UBASH3B: variants seen among roughly 807,000 people sequenced by gnomAD.
UBASH3B encodes ubiquitin associated and SH3 domain containing B.
A neutral mutation model predicts 83.4 loss-of-function variants in UBASH3B; 37 were observed. The observed-to-expected ratio is 0.44, with a 90% CI of 0.34 to 0.58. UBASH3B has a LOEUF of 0.58. UBASH3B is among the 20% of genes least tolerant of loss of function. The probability of loss-of-function intolerance (pLI) is 0.01; values close to 1 mark genes in which losing one functional copy is unlikely to be tolerated. For missense variants in UBASH3B, 657 were observed against 827.2 expected, an observed-to-expected ratio of 0.79 and a Z score of 2.52; for synonymous variants, 304 against 318.3, an observed-to-expected ratio of 0.96 and a Z score of 0.48.
At chr11:122,738,887 CAAAAAA>C (rs35957240) in intron 1 of UBASH3B, among the ~76,000 whole-genome samples, 2 of 139,514 alleles carry the variant, frequency 1.4e-5, no homozygotes, top group African/African-American at 5.3e-5. Flanking sequence ...AACTCTGTCT[CAAAAAA>C]AAAAAAAAAA....
At chr11:122,754,865 A>C (rs1321588568) in intron 1 of UBASH3B, among the ~76,000 whole-genome samples, 1 of 152,170 alleles carries the variant, frequency 6.6e-6, no homozygotes, top group African/African-American at 2.4e-5. Flanking sequence ...GGACTTGCCC[A>C]AGGTCATACC....
At position 122,813,287 on chromosome 11, in the gene UBASH3B, A is replaced by G. The variant is rs555179602; in HGVS notation, c.*3401A>G. On this transcript the variant is annotated 3_prime_UTR_variant, in exon 14 of 14. Transcript: ENST00000284273. The stretch of plus-strand genomic sequence containing the variant: ...TATTAAAATGAAGTCTCTTATTTCA[A>G]TTACCTAGTGTTGTTGGGAACTAAT... 2.6e-5 allele frequency: 4 copies of G among 152,296 alleles called. No homozygotes were observed. The highest frequency in any genetic ancestry group is 9.6e-5 in the African/African-American group (4 of 41,562). The allele number at this position is 152,296 out of a possible 1,614,324, so 9.4% of individuals were successfully genotyped here.
At chr11:122,748,170 G>C (rs1175766928) in intron 1 of UBASH3B, among the ~76,000 whole-genome samples, 1 of 152,244 alleles carries the variant, frequency 6.6e-6, no homozygotes, top group Non-Finnish European at 1.5e-5. Flanking sequence ...TCACATAGTG[G>C]TTTAAAACTG....
chr11:122,694,052 C>A (rs1161943349), intron 1 of UBASH3B, among the ~76,000 whole-genome samples: 1 of 152,210 alleles, frequency 6.6e-6, no homozygotes, highest in Admixed American at 6.5e-5. Context: ...TATCAGGTGG[C>A]CCATGCAGCC....
intron 6 of UBASH3B, among the ~76,000 whole-genome samples, chr11:122,793,131 A>G (rs1861089074): frequency 6.6e-6 from 1 of 152,230 alleles, no homozygotes; most frequent in Non-Finnish European, 1.5e-5. Context: ...CTGTAATCCC[A>G]GCATGACTTT....
chr11:122,728,230 GGAATAT>G (rs1860779035), intron 1 of UBASH3B, among the ~76,000 whole-genome samples: 2 of 152,108 alleles, frequency 1.3e-5, no homozygotes, highest in Admixed American at 1.3e-4. Context: ...GTTTACATGG[GGAATAT>G]TTAGCCGTCC....
chr11:122,768,974 G>C (rs1860598622), intron 1 of UBASH3B, among the ~76,000 whole-genome samples: 1 of 152,166 alleles, frequency 6.6e-6, no homozygotes, highest in Non-Finnish European at 1.5e-5. Flanking sequence ...GAGCCACCAG[G>C]TGCATGGAGG....
chr11:122,794,017 C>T (rs531144946), intron 6 of UBASH3B, among the ~76,000 whole-genome samples: 97 of 152,206 alleles, frequency 6.4e-4, no homozygotes, highest in South Asian at 1.2e-3. Context: ...CAACAGGGAT[C>T]GTAGATTTCT....
At position 122,806,318 on chromosome 11, in the gene UBASH3B, A is replaced by G. The variant is rs1393919003; in HGVS notation, c.1596-92A>G. The G allele has an allele frequency of 5.4e-6, 6 of 1,114,532 alleles. No homozygotes were observed. The highest frequency in any genetic ancestry group is 7.8e-6 in the Non-Finnish European group (6 of 767,118). The allele number at this position is 1,114,532 out of a possible 1,614,324, so 69.0% of individuals were successfully genotyped here. On this transcript the variant is annotated intron_variant, in intron 11 of 13. Transcript: ENST00000284273. This position sits in a 1 kb window ranked among gnomAD's most constrained non-coding sequence, Gnocchi z 4.0. ...AAACAAACAGATCTACGGGATCTTT[A>G]GAAATGCCTTGAAATAAAAGTTTAG...
chr11:122,667,605 C>T (rs1051876268), intron 1 of UBASH3B, among the ~76,000 whole-genome samples: 1 of 152,066 alleles, frequency 6.6e-6, no homozygotes, highest in East Asian at 1.9e-4. Context: ...AGGGAGCACA[C>T]GATTACATCT....
chr11:122,792,761 T>C (rs906397807), intron 6 of UBASH3B, among the ~76,000 whole-genome samples: 4 of 152,234 alleles, frequency 2.6e-5, no homozygotes, highest in African/African-American at 9.6e-5. Flanking sequence ...CAGGTTTCAC[T>C]TGGCAACATA....
chr11:122,746,960 G>T lies in UBASH3B; in HGVS notation c.162-29259G>T, dbSNP rs535693533. On this transcript the variant is annotated intron_variant, in intron 1 of 13. Coordinates refer to ENST00000284273, the MANE Select transcript of UBASH3B (RefSeq NM_032873.5). ...TTTAAATTCATTAGGCAGAAAAGGG[G>T]GAATGTGGACAATCCCAGCAGAAAA... Among the ~76,000 whole-genome samples the T allele has an allele frequency of 7.9e-5, 12 of 152,334 alleles. No individual in the cohort carries two copies. The South Asian group carries it at 1.4e-3, about 18-fold the overall frequency.
chr11:122,765,099 C>A (rs1483624214), intron 1 of UBASH3B, among the ~76,000 whole-genome samples: 1 of 140,684 alleles, frequency 7.1e-6, no homozygotes, highest in Non-Finnish European at 1.5e-5. Flanking sequence ...TTTTTTTTTT[C>A]ATGTCTAGAC....
chr11:122,780,229 G>C (rs890195710), intron 4 of UBASH3B, among the ~76,000 whole-genome samples: 2 of 152,120 alleles, frequency 1.3e-5, no homozygotes, highest in African/African-American at 4.8e-5. Context: ...AGGACCCCAA[G>C]CCCCAAGAGT....
Position 122,725,342 on chromosome 11 carries a change from A to AAAAAAAAAAAGAGAG in UBASH3B, c.162-50875_162-50874insAAAAAAAAGAGAGAA, listed in dbSNP as rs71281633. On this transcript the variant is annotated intron_variant, in intron 1 of 13. Transcript: ENST00000284273. ...AGCACCATAAACAAAAAAAAAAAAA[A>AAAAAAAAAAAGAGAG]AAGAAAAGAAAAGAAACAAACTCAA... 2.8e-3 allele frequency among the ~76,000 whole-genome samples: 371 copies of AAAAAAAAAAAGAGAG among 130,752 alleles called. 2 individuals carry two copies. The highest frequency in any genetic ancestry group is 4.7e-3 in the Non-Finnish European group (287 of 61,564). The allele number at this position is 130,752 out of a possible 152,430, so 85.8% of individuals were successfully genotyped here. A position where few individuals can be genotyped will look rare whatever the true frequency, so the allele number is the denominator to read the frequency against.
intron 1 of UBASH3B, among the ~76,000 whole-genome samples, chr11:122,687,469 G>A (rs967727728): frequency 1.3e-5 from 2 of 152,122 alleles, no homozygotes; most frequent in African/African-American, 4.8e-5. Flanking sequence ...ACTCTTCTGC[G>A]AAGGGGAAAA....
chr11:122,745,386 T>C (rs1861102540), intron 1 of UBASH3B, among the ~76,000 whole-genome samples: 3 of 152,204 alleles, frequency 2.0e-5, no homozygotes, highest in Admixed American at 1.3e-4. Flanking sequence ...GCTTACCATG[T>C]GGCAACACAG....
intron 1 of UBASH3B, among the ~76,000 whole-genome samples, chr11:122,679,580 C>G (rs1235756266): frequency 6.6e-6 from 1 of 152,172 alleles, no homozygotes; most frequent in Non-Finnish European, 1.5e-5. Flanking sequence ...GTCTGGGACA[C>G]CTTGATCTCT....
chr11:122,682,331 A>T (rs1863752195), intron 1 of UBASH3B, among the ~76,000 whole-genome samples: 1 of 152,180 alleles, frequency 6.6e-6, no homozygotes, highest in African/African-American at 2.4e-5. Flanking sequence ...ATCTCATCTC[A>T]TCCTCGTGGC....
Sources: allele counts gnomAD v4.1 joint callset (sites outside exome capture counted in the v4.1 genomes callset), GRCh38; gene constraint gnomAD v4.1.1; non-coding constraint Gnocchi (gnomAD v3.1); transcripts MANE v1.5; gene names NCBI Gene and HGNC (gene_info 2026-07-23, HGNC 2026-07-21).